TMEM65: variants seen among roughly 807,000 people sequenced by gnomAD.
TMEM65 encodes the protein transmembrane protein 65.
Under a neutral mutation model 25.4 loss-of-function variants are expected in TMEM65, and 22 were observed. That is an observed-to-expected ratio of 0.86 (90% CI 0.62 to 1.23). The LOEUF (loss-of-function observed/expected upper bound fraction) is 1.23, where lower values mean the gene tolerates loss of function less well. Ranked by LOEUF, TMEM65 falls within the 50% of genes most tolerant of loss-of-function variation. TMEM65 has a pLI of 0.00. For missense variants in TMEM65, 262 were observed against 308.2 expected, an observed-to-expected ratio of 0.85 and a Z score of 1.12; for synonymous variants, 132 against 126.2, an observed-to-expected ratio of 1.05 and a Z score of -0.31.
chr8:124,318,031 T>C (rs1814258566), intron 6 of TMEM65, among the ~76,000 whole-genome samples: 2 of 152,080 alleles, frequency 1.3e-5, no homozygotes, highest in African/African-American at 4.8e-5. Flanking sequence ...TCTCATAATG[T>C]TTTAAGAAAG....
intron 6 of TMEM65, among the ~76,000 whole-genome samples, chr8:124,315,594 T>C (rs1268858846): frequency 6.6e-6 from 1 of 152,160 alleles, no homozygotes; most frequent in Non-Finnish European, 1.5e-5. Flanking sequence ...GTGCTGGAAT[T>C]ACAGGTGTGA....
chr8:124,353,965 T>C (rs1814743764), intron 1 of TMEM65, among the ~76,000 whole-genome samples: 1 of 152,116 alleles, frequency 6.6e-6, no homozygotes, highest in South Asian at 2.1e-4. Context: ...TAATCAAACG[T>C]CCAAAGTTAA....
intron 1 of TMEM65, among the ~76,000 whole-genome samples, chr8:124,345,900 T>C (rs1030245303): frequency 6.6e-6 from 1 of 152,232 alleles, no homozygotes; most frequent in African/African-American, 2.4e-5. Context: ...CATGCCACCA[T>C]GCCTAGCTAA....
At position 124,366,528 on chromosome 8, in the gene TMEM65, C is replaced by CT. The variant is rs1025726135; in HGVS notation, c.304+5325dup. Among the ~76,000 whole-genome samples, 361 of 150,856 alleles carry CT rather than the reference C, an allele frequency of 2.4e-3. 1 individual carries two copies. Among genetic ancestry groups the CT allele is most frequent in the African/African-American group, 8.1e-3 (335 of 41,126 alleles). Reference sequence around the variant, plus strand: ...CATCCAGCTGAGCCCTGCCTATATCCTTTTTTTTTCAATTTTATTTTTTTA... The same window carrying CT: ...CATCCAGCTGAGCCCTGCCTATATCCTTTTTTTTTTCAATTTTATTTTTTTA... On this transcript the variant is annotated intron_variant, in intron 1 of 6. Coordinates refer to ENST00000297632, the MANE Select transcript of TMEM65 (RefSeq NM_194291.3).
At chr8:124,319,374 G>T (rs931012312) in intron 6 of TMEM65, among the ~76,000 whole-genome samples, 1 of 151,962 alleles carries the variant, frequency 6.6e-6, no homozygotes, top group African/African-American at 2.4e-5. Context: ...CCATCACTTA[G>T]GTAAGAGGCT....
intron 4 of TMEM65, among the ~76,000 whole-genome samples, chr8:124,323,053 G>A (rs1056632421): frequency 1.4e-4 from 21 of 151,746 alleles, no homozygotes; most frequent in Non-Finnish European, 2.7e-4. Context: ...AATGTTTAGG[G>A]GTAACACTGA....
chr8:124,361,116 C>T lies in TMEM65; in HGVS notation c.304+10738G>A, dbSNP rs568778981. On this transcript the variant is annotated intron_variant, in intron 1 of 6. Coordinates refer to ENST00000297632, the MANE Select transcript of TMEM65 (RefSeq NM_194291.3). ...AGTTCAAGACAACTTCACAGGTTTT[C>T]GCTAGACATTAAGGCTACTAAGAGT... Among the ~76,000 whole-genome samples the T allele has an allele frequency of 3.5e-4, 53 of 152,280 alleles. No homozygotes were observed. The South Asian group carries it at 3.9e-3, about 11-fold the overall frequency.
chr8:124,357,779 G>A (rs939809628), intron 1 of TMEM65, among the ~76,000 whole-genome samples: 3 of 150,312 alleles, frequency 2.0e-5, no homozygotes, highest in African/African-American at 7.4e-5. Context: ...TAGGAAGAGA[G>A]GTTGGAGTCA....
In TMEM65 at chr8:124,345,516, A is replaced by C. The variant is rs181005663; in HGVS notation, c.305-14724T>G. Among the ~76,000 whole-genome samples, 8 of 152,364 alleles carry C rather than the reference A, an allele frequency of 5.3e-5. No homozygotes were observed. In the East Asian group the frequency reaches 1.5e-3, roughly 29 times the overall value. ...CTATAGTTTCTACATTTTAGCCTCC[A>C]TCATAAAATTACAAAACATGTTTAC... On this transcript the variant is annotated intron_variant, in intron 1 of 6. Coordinates refer to ENST00000297632, the MANE Select transcript of TMEM65 (RefSeq NM_194291.3).
At chr8:124,327,985 T>C (rs1048363315) in intron 2 of TMEM65, among the ~76,000 whole-genome samples, 2 of 152,088 alleles carry the variant, frequency 1.3e-5, no homozygotes, top group Admixed American at 1.3e-4. Context: ...CCCCTCAAAA[T>C]TCATCAATAT....
intron 3 of TMEM65, among the ~76,000 whole-genome samples, chr8:124,324,528 T>A (rs114762811): frequency 2.6e-5 from 4 of 152,008 alleles, no homozygotes; most frequent in African/African-American, 7.2e-5. Flanking sequence ...AATAAACATA[T>A]GTATCATCAT....
chr8:124,348,807 T>C (rs1485537873), intron 1 of TMEM65, among the ~76,000 whole-genome samples: 1 of 152,198 alleles, frequency 6.6e-6, no homozygotes, highest in Non-Finnish European at 1.5e-5. Flanking sequence ...GCTGAAAGAA[T>C]TCTTAGAGAC....
At chr8:124,317,740 C>G (rs1448517719) in intron 6 of TMEM65, among the ~76,000 whole-genome samples, 2 of 152,140 alleles carry the variant, frequency 1.3e-5, no homozygotes, top group African/African-American at 4.8e-5. Flanking sequence ...GGGTGTTACT[C>G]CTGTGATTAT....
rs144957064 is a variant in TMEM65, at chr8:124,318,363, G to GTTTTTTTTTTTTTTTTTTTTTTTT, written c.621+1722_621+1723insAAAAAAAAAAAAAAAAAAAAAAAA. On this transcript the variant is annotated intron_variant, in intron 6 of 6. Transcript: ENST00000297632. ...TTGTTTTAAGCTGCTGAATTTGCAT[G>GTTTTTTTTTTTTTTTTTTTTTTTT]TTTTTGTTTTTTTTTTTTTTTTTTT... Among the ~76,000 whole-genome samples the GTTTTTTTTTTTTTTTTTTTTTTTT allele has an allele frequency of 1.1e-4, 8 of 73,840 alleles. 4 individuals carry two copies. Among genetic ancestry groups the GTTTTTTTTTTTTTTTTTTTTTTTT allele is most frequent in the African/African-American group, 3.4e-4 (6 of 17,856 alleles). The allele number at this position is 73,840 out of a possible 152,430, so 48.4% of individuals were successfully genotyped here.
At chr8:124,335,385 T>C (rs562901374) in intron 1 of TMEM65, among the ~76,000 whole-genome samples, 19 of 152,264 alleles carry the variant, frequency 1.2e-4, no homozygotes, top group African/African-American at 4.3e-4. Flanking sequence ...GAAATAGCAG[T>C]TGAAAAGTAA....
Position 124,309,157 on chromosome 8 carries a change from A to G in TMEM65, c.*4803T>C, listed in dbSNP as rs1029962587. 2.6e-5 allele frequency: 4 copies of G among 152,220 alleles called. No individual in the cohort carries two copies. In the East Asian group the frequency reaches 7.7e-4, roughly 29 times the overall value. 9.4% of individuals were successfully genotyped at this position (152,220 alleles called of 1,614,324 possible). A position where few individuals can be genotyped will look rare whatever the true frequency, so the allele number is the denominator to read the frequency against. Reference sequence around the variant, plus strand: ...TCTTCTACCTTTATTTTAATACAATATATGATACATATAACATACAAAATA... The same window carrying G: ...TCTTCTACCTTTATTTTAATACAATGTATGATACATATAACATACAAAATA... On this transcript the variant is annotated 3_prime_UTR_variant, in exon 7 of 7. Transcript: ENST00000297632.
chr8:124,319,606 T>G (rs1814280914), intron 6 of TMEM65, among the ~76,000 whole-genome samples: 1 of 152,048 alleles, frequency 6.6e-6, no homozygotes, highest in African/African-American at 2.4e-5. Flanking sequence ...GTCTCATCTA[T>G]AATTCAAAAA....
intron 1 of TMEM65, among the ~76,000 whole-genome samples, chr8:124,338,848 G>A (rs1814544199): frequency 6.6e-6 from 1 of 152,080 alleles, no homozygotes; most frequent in South Asian, 2.1e-4. Flanking sequence ...TGAGTACACA[G>A]TGAATTGTAA....
intron 1 of TMEM65, among the ~76,000 whole-genome samples, chr8:124,338,559 T>A (rs1814539860): frequency 6.6e-6 from 1 of 152,070 alleles, no homozygotes; most frequent in South Asian, 2.1e-4. Context: ...TAAGACAAAA[T>A]CCTTAAAAGA....
Sources: gnomAD v4.1 joint callset for allele counts (sites outside exome capture counted in the v4.1 genomes callset) on GRCh38, gnomAD v4.1.1 for gene constraint, MANE v1.5 for transcripts, NCBI Gene and HGNC (gene_info 2026-07-23, HGNC 2026-07-21) for gene names.